KDM6A: variants seen among roughly 807,000 people sequenced by gnomAD.
The protein encoded by KDM6A is lysine demethylase 6A.
Under a neutral mutation model 117.6 loss-of-function variants are expected in KDM6A, and 11 were observed. That is an observed-to-expected ratio of 0.09 (90% CI 0.06 to 0.15). KDM6A has a LOEUF of 0.15. Among genes scored for constraint, KDM6A ranks in the 10% least tolerant of loss-of-function variants. The pLI is 1.00. For synonymous variants in KDM6A, 384 were observed against 396.1 expected (o/e 0.97, Z 0.36); for missense variants, 799 against 1,077.3 (o/e 0.74, Z 3.62).
chrX:45,086,091 A>G (rs2045627382), intron 25 of KDM6A, 112 bp downstream of exon 25: 1 of 499,288 alleles, frequency 2.0e-6, no homozygotes, highest in East Asian at 3.7e-5. Context: ...TTCACTTACC[A>G]TTCAGCGAAG....
intron 25 of KDM6A, among the ~76,000 whole-genome samples, chrX:45,087,970 T>C (rs1453624824): frequency 8.9e-6 from 1 of 111,925 alleles, no homozygotes; most frequent in African/African-American, 3.2e-5. Flanking sequence ...ATTTTATGGC[T>C]TTAAATAATA....
chrX:45,104,409 G>C (rs1305008802), intron 27 of KDM6A, among the ~76,000 whole-genome samples: 7 of 112,844 alleles, frequency 6.2e-5, no homozygotes, highest in Non-Finnish European at 9.4e-5. Flanking sequence ...TCCTGATTTT[G>C]TTTAGCTTTT....
At chrX:44,899,004 GGT>G (rs745714866) in intron 2 of KDM6A, among the ~76,000 whole-genome samples, 248 of 79,410 alleles carry the variant, frequency 3.1e-3, no homozygotes, top group South Asian at 0.019. Flanking sequence ...GGAGAGGGAG[GGT>G]GTGTGTGTGT....
At chrX:44,981,934 AT>A (rs2031584288) in intron 4 of KDM6A, among the ~76,000 whole-genome samples, 1 of 111,759 alleles carries the variant, frequency 8.9e-6, no homozygotes, top group African/African-American at 3.3e-5. Flanking sequence ...AAATACAAAA[AT>A]TAGCTGGGTG....
At chrX:45,031,548 T>G (rs755334544) in intron 6 of KDM6A, among the ~76,000 whole-genome samples, 1 of 112,244 alleles carries the variant, frequency 8.9e-6, no homozygotes, top group East Asian at 2.8e-4. Flanking sequence ...TTTTCTGGTT[T>G]GCAGGTTGTT....
At chrX:44,988,169 C>T (rs1172104218) in intron 4 of KDM6A, among the ~76,000 whole-genome samples, 1 of 111,840 alleles carries the variant, frequency 8.9e-6, no homozygotes, top group Non-Finnish European at 1.9e-5. Context: ...GATCTTCCAT[C>T]GTTGATACCC....
rs181688411 is a variant in KDM6A, at chrX:44,931,560, A to G, written c.226-29724A>G. 2.7e-5 allele frequency among the ~76,000 whole-genome samples: 3 copies of G among 111,691 alleles called. No individual in the cohort carries two copies. The East Asian group carries it at 8.5e-4, about 31-fold the overall frequency. On this transcript the variant is annotated intron_variant, in intron 2 of 29. Coordinates refer to ENST00000611820, the MANE Select transcript of KDM6A (RefSeq NM_001291415.2). ...AGGAAATCCTGTCACATGCTACAGC[A>G]TGGATGAACCTTGAGGACGTTATCC... is the stretch of plus-strand genomic sequence containing the variant.
chrX:44,878,378 C>T (rs1237835979), intron 2 of KDM6A, among the ~76,000 whole-genome samples: 1 of 111,700 alleles, frequency 9.0e-6, no homozygotes, highest in African/African-American at 3.3e-5. Flanking sequence ...AAAACAAAAA[C>T]AAACAAAAAA....
intron 2 of KDM6A, among the ~76,000 whole-genome samples, chrX:44,916,046 C>G (rs1281313490): frequency 9.0e-6 from 1 of 111,089 alleles, no homozygotes; most frequent in Non-Finnish European, 1.9e-5. Context: ...TATAATCGTT[C>G]TATTTTATTA....
intron 17 of KDM6A, among the ~76,000 whole-genome samples, chrX:45,067,966 T>G (rs1181787395): frequency 9.0e-6 from 1 of 111,585 alleles, no homozygotes; most frequent in Non-Finnish European, 1.9e-5. Context: ...TGTATCAACT[T>G]TTAATATATC....
chrX:44,920,871 C>CTTTTT (rs2035884950), intron 2 of KDM6A, among the ~76,000 whole-genome samples: 1 of 95,996 alleles, frequency 1.0e-5, no homozygotes, highest in Non-Finnish European at 2.1e-5. Flanking sequence ...TTTTTCTTTT[C>CTTTTT]TTTTTCTTTT....
chrX:45,060,172 A>T lies in KDM6A; in HGVS notation c.1329+16A>T, dbSNP rs2147966824. ...AGCACAGCAGGTGAGAAGTTGGGTT[A>T]TGTTCTGCAGGTGCCCAGCTTTAAG... On this transcript the variant is annotated intron_variant, in intron 13 of 29. Transcript: ENST00000611820. 1.7e-6 allele frequency: 2 copies of T among 1,211,166 alleles called. No homozygotes were observed. Among genetic ancestry groups the T allele is most frequent in the East Asian group, 5.9e-5 (2 of 33,833 alleles).
At chrX:44,888,036 G>A (rs1234589789) in intron 2 of KDM6A, among the ~76,000 whole-genome samples, 2 of 111,449 alleles carry the variant, frequency 1.8e-5, no homozygotes, top group Non-Finnish European at 3.8e-5. Flanking sequence ...GCAGAGGGCA[G>A]TGGCTCACCC....
Position 45,112,633 on chromosome X carries a change from T to C in KDM6A, c.*1222T>C, listed in dbSNP as rs1232812735. ...TATAATAGTAGAAAACAAATAGTGA[T>C]TGAACTTAAGATTTTAAAGGGACTG... On this transcript the variant is annotated 3_prime_UTR_variant, in exon 30 of 30. Transcript: ENST00000611820. 2.3e-5 allele frequency: 3 copies of C among 128,610 alleles called. No homozygotes were observed. The highest frequency in any genetic ancestry group is 4.8e-5 in the Non-Finnish European group (3 of 62,590). 10.6% of individuals were successfully genotyped at this position (128,610 alleles called of 1,213,427 possible).
At chrX:45,047,679 T>TC (rs2043623053) in intron 8 of KDM6A, among the ~76,000 whole-genome samples, 6 of 45,679 alleles carry the variant, frequency 1.3e-4, no homozygotes, top group Non-Finnish European at 2.1e-4. Flanking sequence ...TTTTTCTTTT[T>TC]TTTTTTTTTT....
intron 2 of KDM6A, among the ~76,000 whole-genome samples, chrX:44,902,195 C>T (rs1310751105): frequency 9.0e-6 from 1 of 110,808 alleles, no homozygotes; most frequent in Non-Finnish European, 1.9e-5. Context: ...TGCCACTGCA[C>T]TCCAGCCTGG....
chrX:44,907,030 C>G (rs1173481924), intron 2 of KDM6A, among the ~76,000 whole-genome samples: 1 of 111,109 alleles, frequency 9.0e-6, no homozygotes. Context: ...CTTTCCCCCC[C>G]ACTCTCTTCT....
intron 6 of KDM6A, among the ~76,000 whole-genome samples, chrX:45,033,605 G>A (rs2147767898): frequency 9.0e-6 from 1 of 110,537 alleles, no homozygotes; most frequent in African/African-American, 3.3e-5. Context: ...CTAGGTTGGA[G>A]TGGAGTGGCA....
In KDM6A at chrX:44,922,954, G is replaced by T. The variant is rs1477203176; in HGVS notation, c.226-38330G>T. Among the ~76,000 whole-genome samples, 4 of 111,344 alleles carry T rather than the reference G, an allele frequency of 3.6e-5. No homozygotes were observed. The East Asian group carries it at 1.1e-3, about 31-fold the overall frequency. ...CTAGTAATTAATTTTTCTGTCTTTT[G>T]TCTGCAAAAGTTTAATTTTCTTCTT... is the stretch of plus-strand genomic sequence containing the variant. On this transcript the variant is annotated intron_variant, in intron 2 of 29. Coordinates refer to ENST00000611820, the MANE Select transcript of KDM6A (RefSeq NM_001291415.2).
Sources: allele counts gnomAD v4.1 joint callset (sites outside exome capture counted in the v4.1 genomes callset), GRCh38; gene constraint gnomAD v4.1.1; transcripts MANE v1.5; gene names NCBI Gene and HGNC (gene_info 2026-07-23, HGNC 2026-07-21).